Variants in DNASE1 observed in about 807,000 individuals in gnomAD.
DNASE1 encodes the protein deoxyribonuclease 1.
DNASE1 carries 40 observed loss-of-function variants against 33.9 expected under a neutral mutation model. The observed-to-expected ratio is 1.18, with a 90% CI of 0.92 to 1.54. The LOEUF is 1.54. Among genes scored for constraint, DNASE1 ranks in the 40% most tolerant of loss-of-function variants. The pLI is 0.00. For synonymous variants in DNASE1, 216 were observed against 160.0 expected, an observed-to-expected ratio of 1.35 and a Z score of -2.64; for missense variants, 518 against 372.6, an observed-to-expected ratio of 1.39 and a Z score of -3.21.
downstream of DNASE1, chr16:3,658,752 T>C (rs541328385): frequency 4.4e-5 from 69 of 1,581,134 alleles, 1 homozygote; most frequent in South Asian, 4.8e-4. Context: ...GCAGGGCTGG[T>C]AGCCTGGGTC....
At chr16:3,659,137 A>G, downstream of DNASE1, 1 of 367,720 alleles carries the variant, frequency 2.7e-6, no homozygotes, top group Non-Finnish European at 4.9e-6. Context: ...TAGTACGTGA[A>G]GACATGCCTT....
intron 1 of DNASE1, among the ~76,000 whole-genome samples, chr16:3,618,748 CAAA>C (rs2041196227): frequency 1.3e-5 from 2 of 152,134 alleles, no homozygotes; most frequent in African/African-American, 4.8e-5. Context: ...AATGCTCAAA[CAAA>C]AACGTGTACA....
chr16:3,664,628 T>TCG, exon 10 of DNASE1: 1 of 685,584 alleles, frequency 1.5e-6, no homozygotes, highest in Non-Finnish European at 2.3e-6. Flanking sequence ...GGCCTTGCTC[T>TCG]GCCCATCAGG....
downstream of DNASE1, chr16:3,658,280 CA>C (rs1567215368): frequency 8.0e-6 from 11 of 1,375,362 alleles, no homozygotes; most frequent in Admixed American, 2.1e-5. Context: ...GGCACCTTTT[CA>C]TTTTTTTTTT....
At chr16:3,618,123 G>C (rs1383538466) in intron 1 of DNASE1, among the ~76,000 whole-genome samples, 1 of 147,862 alleles carries the variant, frequency 6.8e-6, no homozygotes, top group East Asian at 2.0e-4. Flanking sequence ...GACTTGAATA[G>C]ACATTCCAAA....
At chr16:3,662,621 C>T (rs1010992821), downstream of DNASE1, 2 of 660,214 alleles carry the variant, frequency 3.0e-6, no homozygotes, top group African/African-American at 1.8e-5. Flanking sequence ...CATTGCAGCT[C>T]CCACTCAGGA....
At chr16:3,639,365 G>T (rs573461937), upstream of DNASE1, among the ~76,000 whole-genome samples, 1 of 152,138 alleles carries the variant, frequency 6.6e-6, no homozygotes, top group Non-Finnish European at 1.5e-5. Context: ...CCAGCTAGCC[G>T]CCTGGCAGCT....
At chr16:3,632,798 C>G (rs969077525) in intron 1 of DNASE1, among the ~76,000 whole-genome samples, 7 of 152,082 alleles carry the variant, frequency 4.6e-5, no homozygotes, top group Non-Finnish European at 8.8e-5. Context: ...GTTGTCCAGG[C>G]TGGTCTTGAA....
downstream of DNASE1, chr16:3,658,523 A>C (rs564723712): frequency 7.0e-6 from 4 of 567,458 alleles, no homozygotes; most frequent in Admixed American, 3.1e-5. Context: ...TCTCTACTAA[A>C]ATACAAAATT....
In DNASE1 at chr16:3,657,961, C is replaced by G. The variant is rs369410727; in HGVS notation, c.*8C>G. 8 of 1,613,822 alleles carry G rather than the reference C, an allele frequency of 5.0e-6. No homozygotes were observed. Among genetic ancestry groups the G allele is most frequent in the Non-Finnish European group, 5.1e-6 (6 of 1,180,010 alleles). On this transcript the variant is annotated 3_prime_UTR_variant, in exon 9 of 9. Transcript: ENST00000246949. ...GAGGTGATGCTGAAGTGAGCAGCCC[C>G]TCCCCACACCAGTTGAACTGCAGGA...
At chr16:3,626,892 G>C (rs1044764302) in intron 1 of DNASE1, among the ~76,000 whole-genome samples, 19 of 152,004 alleles carry the variant, frequency 1.2e-4, no homozygotes, top group African/African-American at 4.4e-4. Flanking sequence ...GTTTTTTAGA[G>C]ACAGGGTCTT....
chr16:3,637,328 T>A (rs1159075393), intron 1 of DNASE1, among the ~76,000 whole-genome samples: 1 of 152,202 alleles, frequency 6.6e-6, no homozygotes, highest in Non-Finnish European at 1.5e-5. Context: ...TGCAGGTTTT[T>A]CCGTTCTATT....
At chr16:3,642,368 G>A (rs1249569253), upstream of DNASE1, among the ~76,000 whole-genome samples, 1 of 152,216 alleles carries the variant, frequency 6.6e-6, no homozygotes, top group Non-Finnish European at 1.5e-5. Context: ...GGGATGTGGA[G>A]GCTGAAGAGT....
chr16:3,613,222 G>A (rs541930938), intron 1 of DNASE1, among the ~76,000 whole-genome samples: 24 of 152,124 alleles, frequency 1.6e-4, no homozygotes, highest in African/African-American at 5.3e-4. Context: ...ATGTAAATGG[G>A]ATCATGTGAT....
At chr16:3,663,506 A>C (rs780097425) in exon 10 of DNASE1, 1 of 1,614,134 alleles carries the variant, frequency 6.2e-7, no homozygotes, top group South Asian at 1.1e-5. Flanking sequence ...TCTTCTTGTC[A>C]AACTCACGAA....
At chr16:3,658,225 G>C (rs776747983), downstream of DNASE1, 29 of 1,613,254 alleles carry the variant, frequency 1.8e-5, no homozygotes, top group African/African-American at 2.7e-5. Context: ...TGGCGTTCTC[G>C]TATATCTGAA....
At chr16:3,642,343 A>C (rs972586190), upstream of DNASE1, among the ~76,000 whole-genome samples, 4 of 152,196 alleles carry the variant, frequency 2.6e-5, no homozygotes, top group Non-Finnish European at 4.4e-5. Flanking sequence ...TTACTCCACC[A>C]TCCTGCCAGG....
downstream of DNASE1, chr16:3,661,111 A>C (rs1396667069): frequency 6.6e-6 from 1 of 152,202 alleles, no homozygotes; most frequent in African/African-American, 2.4e-5. Context: ...TACAAGTTAG[A>C]AAATGAAATT....
intron 1 of DNASE1, among the ~76,000 whole-genome samples, chr16:3,628,316 T>C (rs569443738): frequency 6.6e-6 from 1 of 152,302 alleles, no homozygotes; most frequent in South Asian, 2.1e-4. Context: ...GATTCTGTTA[T>C]TGTAATTATT....
Sources: allele counts gnomAD v4.1 joint callset (sites outside exome capture counted in the v4.1 genomes callset), GRCh38; gene constraint gnomAD v4.1.1; transcripts MANE v1.5; gene names NCBI Gene and HGNC (gene_info 2026-07-23, HGNC 2026-07-21).